Variants in ATXN10 observed in about 807,000 individuals in gnomAD.
ATXN10 encodes the protein ataxin-10.
ATXN10 carries 28 observed loss-of-function variants against 52.9 expected under a neutral mutation model. That is an observed-to-expected ratio of 0.53 (90% CI 0.39 to 0.73). The LOEUF (loss-of-function observed/expected upper bound fraction) is 0.73, where lower values mean the gene tolerates loss of function less well. Among genes scored for constraint, ATXN10 ranks in the 30% least tolerant of loss-of-function variants. The probability of loss-of-function intolerance (pLI) is 0.00; values close to 1 mark genes in which losing one functional copy is unlikely to be tolerated. For missense variants in ATXN10, 565 were observed against 577.0 expected (o/e 0.98, Z 0.21); for synonymous variants, 226 against 221.5 (o/e 1.02, Z -0.18).
At chr22:45,707,833 C>T (rs1924101541) in intron 5 of ATXN10, among the ~76,000 whole-genome samples, 1 of 152,060 alleles carries the variant, frequency 6.6e-6, no homozygotes, top group South Asian at 2.1e-4. Context: ...AATGAGATCA[C>T]AGAATATCCA....
rs7289042 is a variant in ATXN10, at chr22:45,701,242, T to G, written c.488+864T>G. 0.31 allele frequency among the ~76,000 whole-genome samples: 46,527 copies of G among 152,152 alleles called. 7,470 individuals are homozygous for G. Among genetic ancestry groups the G allele is most frequent in the South Asian group, 0.4 (1,907 of 4,818 alleles). On this transcript the variant is annotated intron_variant, in intron 4 of 11. Transcript: ENST00000252934. The surrounding 1 kb of genome is among the most constrained non-coding windows in gnomAD (Gnocchi z 4.2). Reference sequence around the variant, plus strand: ...TTCTCACAATAGCCTGCAGAGTAAGTGTTACTGTCTCCCCATTTGGACAGA... The same window carrying G: ...TTCTCACAATAGCCTGCAGAGTAAGGGTTACTGTCTCCCCATTTGGACAGA...
chr22:45,837,256 G>C lies in ATXN10; in HGVS notation c.1238-5735G>C, dbSNP rs766812209. ...TCAGTGCCAGTACTTTTTAAGGTTG[G>C]TTTGTTTATTTACTTATTTTTGAGA... On this transcript the variant is annotated intron_variant, in intron 10 of 11. Transcript: ENST00000252934. This position sits in a 1 kb window ranked among gnomAD's most constrained non-coding sequence, Gnocchi z 5.8. Among the ~76,000 whole-genome samples the C allele has an allele frequency of 1.3e-5, 2 of 151,962 alleles. No homozygotes were observed. Among genetic ancestry groups the C allele is most frequent in the Admixed American group, 6.6e-5 (1 of 15,250 alleles).
chr22:45,727,738 A>G lies in ATXN10; in HGVS notation c.729-1687A>G, dbSNP rs928546387. 3.9e-5 allele frequency among the ~76,000 whole-genome samples: 6 copies of G among 152,248 alleles called. No homozygotes were observed. In the East Asian group the frequency reaches 5.8e-4, roughly 15 times the overall value. ...ATGTGGTCTGTCTTTTCTTAGGTCT[A>G]GTAACTGTTTTGTGAATCTGGGAGC... On this transcript the variant is annotated intron_variant, in intron 6 of 11. Coordinates refer to ENST00000252934, the MANE Select transcript of ATXN10 (RefSeq NM_013236.4). This position sits in a 1 kb window ranked among gnomAD's most constrained non-coding sequence, Gnocchi z 4.6.
intron 9 of ATXN10, among the ~76,000 whole-genome samples, chr22:45,743,458 C>A (rs1458228419): frequency 1.3e-5 from 2 of 152,164 alleles, no homozygotes; most frequent in Admixed American, 1.3e-4. Context: ...AATTCACTCG[C>A]ACTCAGATGA....
At chr22:45,756,867 C>T (rs7288657) in intron 9 of ATXN10, among the ~76,000 whole-genome samples, 10 of 152,216 alleles carry the variant, frequency 6.6e-5, no homozygotes, top group African/African-American at 2.4e-4. Flanking sequence ...TGAATATATC[C>T]ACTGGAAAAA....
rs562164862 is a variant in ATXN10 at position 45,812,715 on chromosome 22, TA to T, written c.1237+5695del. On this transcript the variant is annotated intron_variant, in intron 10 of 11. Coordinates refer to ENST00000252934, the MANE Select transcript of ATXN10 (RefSeq NM_013236.4). ...ATTAGTGCTGGTGTCGAATATCCACTAATAACACCACCACTCTTCTCTGAGC... is the reference window on the plus strand; with the variant it reads ...ATTAGTGCTGGTGTCGAATATCCACTATAACACCACCACTCTTCTCTGAGC... 1.8e-3 allele frequency among the ~76,000 whole-genome samples: 273 copies of T among 152,322 alleles called. 1 individual carries two copies. Among genetic ancestry groups the T allele is most frequent in the Non-Finnish European group, 2.7e-3 (184 of 68,026 alleles).
intron 1 of ATXN10, among the ~76,000 whole-genome samples, chr22:45,682,061 T>TC (rs1167176731): frequency 6.6e-6 from 1 of 152,002 alleles, no homozygotes; most frequent in Non-Finnish European, 1.5e-5. Flanking sequence ...TCTTCTTCTC[T>TC]CCCCCCTTAA....
chr22:45,816,533 A>G lies in ATXN10; in HGVS notation c.1237+9511A>G, dbSNP rs1340562571. Reference sequence around the variant, plus strand: ...ACACACCAGAATACCCAGATATGTAACCTTTCCCCCAAGGAAAGTTTATCC... The same window carrying G: ...ACACACCAGAATACCCAGATATGTAGCCTTTCCCCCAAGGAAAGTTTATCC... On this transcript the variant is annotated intron_variant, in intron 10 of 11. Transcript: ENST00000252934. This position sits in a 1 kb window ranked among gnomAD's most constrained non-coding sequence, Gnocchi z 5.8. 2.0e-5 allele frequency among the ~76,000 whole-genome samples: 3 copies of G among 152,140 alleles called. No individual in the cohort carries two copies. The highest frequency in any genetic ancestry group is 4.4e-5 in the Non-Finnish European group (3 of 68,028).
chr22:45,831,237 CA>C (rs1322708406), intron 10 of ATXN10, among the ~76,000 whole-genome samples: 1 of 152,118 alleles, frequency 6.6e-6, no homozygotes, highest in Admixed American at 6.6e-5. Context: ...GACTGAGTTT[CA>C]GTTTACAAGA....
chr22:45,827,129 CCACACA>C (rs57068887), intron 10 of ATXN10, among the ~76,000 whole-genome samples: 1,626 of 146,698 alleles, frequency 0.011, 15 homozygotes, highest in African/African-American at 0.025. Context: ...CCCATGGTAA[CCACACA>C]CACACACACA....
chr22:45,842,392 A>G lies in ATXN10; in HGVS notation c.1238-599A>G, dbSNP rs1929374758. Among the ~76,000 whole-genome samples, 1 of 152,180 alleles carries G rather than the reference A, an allele frequency of 6.6e-6. No individual in the cohort carries two copies. Among genetic ancestry groups the G allele is most frequent in the Non-Finnish European group, 1.5e-5 (1 of 68,018 alleles). On this transcript the variant is annotated intron_variant, in intron 10 of 11. Transcript: ENST00000252934. The surrounding 1 kb of genome is among the most constrained non-coding windows in gnomAD (Gnocchi z 4.8). ...CCCCGATGCTTTCAGGAGCCTGAGT[A>G]TTCAAACTAAACACAGCAAATCCTT...
intron 9 of ATXN10, among the ~76,000 whole-genome samples, chr22:45,799,293 G>T (rs902189677): frequency 1.3e-5 from 2 of 152,258 alleles, no homozygotes; most frequent in East Asian, 3.9e-4. Context: ...AAATGCAAAA[G>T]ACCTAGAATA....
chr22:45,692,750 A>G (rs1212539427), intron 2 of ATXN10, among the ~76,000 whole-genome samples: 1 of 152,220 alleles, frequency 6.6e-6, no homozygotes, highest in Non-Finnish European at 1.5e-5. Flanking sequence ...AAAGCAAAGA[A>G]TCTGAGTCAT....
rs1466481781 is a variant in ATXN10, at chr22:45,774,099, A to G, written c.1174-32860A>G. Among the ~76,000 whole-genome samples, 1 of 152,228 alleles carries G rather than the reference A, an allele frequency of 6.6e-6. No individual in the cohort carries two copies. The highest frequency in any genetic ancestry group is 2.4e-5 in the African/African-American group (1 of 41,458). ...TTTGATGCCATGTGCTTCAGCCAGC[A>G]CCATTTCAGCATGTGCATGTGTGCG... On this transcript the variant is annotated intron_variant, in intron 9 of 11. Transcript: ENST00000252934. The surrounding 1 kb of genome is among the most constrained non-coding windows in gnomAD (Gnocchi z 6.2).
chr22:45,761,922 AAAC>A (rs1303897697), intron 9 of ATXN10, among the ~76,000 whole-genome samples: 1 of 152,250 alleles, frequency 6.6e-6, no homozygotes, highest in Non-Finnish European at 1.5e-5. Flanking sequence ...CTTTTAAAAA[AAAC>A]ACATCTGACT....
chr22:45,698,258 A>T (rs1299402633), intron 3 of ATXN10, among the ~76,000 whole-genome samples: 1 of 152,156 alleles, frequency 6.6e-6, no homozygotes. Flanking sequence ...CTTTTCACCG[A>T]CACCATACGA....
intron 1 of ATXN10, chr22:45,672,921 T>C (rs1239067420): frequency 2.0e-5 from 3 of 152,230 alleles, no homozygotes; most frequent in Non-Finnish European, 4.4e-5. Flanking sequence ...TGCTGGATTG[T>C]ACAGAGGAAT....
chr22:45,794,142 G>T (rs1321714984), intron 9 of ATXN10, among the ~76,000 whole-genome samples: 1 of 152,170 alleles, frequency 6.6e-6, no homozygotes, highest in South Asian at 2.1e-4. Context: ...TGACATATTG[G>T]TGGGTATGTC....
intron 7 of ATXN10, among the ~76,000 whole-genome samples, chr22:45,736,198 T>A (rs899621240): frequency 7.9e-5 from 12 of 152,178 alleles, no homozygotes; most frequent in African/African-American, 2.9e-4. Flanking sequence ...ATACTCCATA[T>A]GCCATCCCCT....
Sources: allele counts gnomAD v4.1 joint callset (sites outside exome capture counted in the v4.1 genomes callset), GRCh38; gene constraint gnomAD v4.1.1; non-coding constraint Gnocchi (gnomAD v3.1); transcripts MANE v1.5; gene names NCBI Gene and HGNC (gene_info 2026-07-23, HGNC 2026-07-21).